TUBD1: variants seen among roughly 807,000 people sequenced by gnomAD.
TUBD1 encodes tubulin delta chain.
TUBD1 carries 38 observed loss-of-function variants against 51.2 expected under a neutral mutation model. That is an observed-to-expected ratio of 0.74 (90% CI 0.57 to 0.97). TUBD1 has a LOEUF of 0.97. TUBD1 is among the 50% of genes least tolerant of loss of function. TUBD1 has a pLI of 0.00. For missense variants in TUBD1, 489 were observed against 538.4 expected (o/e 0.91, Z 0.91); for synonymous variants, 169 against 178.2 (o/e 0.95, Z 0.41).
chr17:59,878,018 G>T, intron 5 of TUBD1, 85 bp downstream of exon 5: 1 of 1,043,684 alleles, frequency 9.6e-7, no homozygotes, highest in African/African-American at 1.6e-5. Context: ...TGTATCTTCA[G>T]GCAGAGGAGG....
At chr17:59,864,104 ATGG>A (rs1212390802) in intron 7 of TUBD1, among the ~76,000 whole-genome samples, 2 of 151,942 alleles carry the variant, frequency 1.3e-5, no homozygotes, top group Non-Finnish European at 2.9e-5. Context: ...TTAGCTGTAC[ATGG>A]TGGTGTGCAT....
At chr17:59,860,635 G>C (rs1321111566) in intron 8 of TUBD1, among the ~76,000 whole-genome samples, 2 of 151,198 alleles carry the variant, frequency 1.3e-5, no homozygotes, top group Non-Finnish European at 2.9e-5. Context: ...CACCTAGGCT[G>C]GAGTGCAGTG....
chr17:59,892,232 T>C (rs201434554), intron 1 of TUBD1, among the ~76,000 whole-genome samples: 85 of 152,210 alleles, frequency 5.6e-4, no homozygotes, highest in African/African-American at 1.9e-3. Flanking sequence ...AAGATGCAGC[T>C]TGGAGAAAGA....
At chr17:59,860,888 G>C (rs939210461) in intron 8 of TUBD1, among the ~76,000 whole-genome samples, 3 of 151,602 alleles carry the variant, frequency 2.0e-5, no homozygotes, top group East Asian at 3.9e-4. Context: ...CGCCCAGCCT[G>C]AACTTTCAAA....
rs142691296 is a variant in TUBD1, at chr17:59,880,936, T to C, written c.495A>G (p.Ser165=). ...TQNLEDQYSN[S]LKMNQIIWPY... is the part of the protein sequence containing the mutation. Reference sequence around the variant, plus strand: ...GCCAAATAATCTGATTCATTTTCAATGAGTTTGAGTACTGATCTTCTAAAT... The same window carrying C: ...GCCAAATAATCTGATTCATTTTCAACGAGTTTGAGTACTGATCTTCTAAAT... Residue 165 remains serine, a synonymous_variant, in exon 4 of 9, where the codon TCA becomes TCG. Coordinates refer to ENST00000325752, the MANE Select transcript of TUBD1 (RefSeq NM_016261.4). 46 of 1,613,674 alleles carry C rather than the reference T, an allele frequency of 2.9e-5. No individual in the cohort carries two copies. In the East Asian group the frequency reaches 4.7e-4, roughly 16 times the overall value.
intron 2 of TUBD1, among the ~76,000 whole-genome samples, chr17:59,890,533 C>T (rs528631826): frequency 2.2e-4 from 34 of 152,212 alleles, no homozygotes; most frequent in Admixed American, 1.2e-3. Context: ...TGAGCCACCA[C>T]GCCCAGCCAG....
chr17:59,869,430 G>A (rs1184937387), intron 6 of TUBD1, among the ~76,000 whole-genome samples: 8 of 151,040 alleles, frequency 5.3e-5, no homozygotes, highest in South Asian at 2.1e-4. Flanking sequence ...AGCCAAGATC[G>A]CGCCACTGCA....
At chr17:59,880,791 G>A in intron 4 of TUBD1, 103 bp downstream of exon 4, 1 of 1,111,228 alleles carries the variant, frequency 9.0e-7, no homozygotes, top group Non-Finnish European at 1.3e-6. Context: ...TGGGATTACA[G>A]GCATAAGCCA....
intron 4 of TUBD1, among the ~76,000 whole-genome samples, chr17:59,879,531 G>A (rs909695305): frequency 5.9e-5 from 9 of 152,116 alleles, no homozygotes; most frequent in Admixed American, 5.9e-4. Context: ...TGCTTCACAG[G>A]TTCAAGTGAT....
rs146731849 is a variant in TUBD1 at position 59,887,668 on chromosome 17, C to T, written c.173-1438G>A. ...TAACCACCAAAAATTTTCAAGCAGG[C>T]GAGGAATAGTTAAATGTCTGTCAAT... On this transcript the variant is annotated intron_variant, in intron 2 of 8. Coordinates refer to ENST00000325752, the MANE Select transcript of TUBD1 (RefSeq NM_016261.4). Among the ~76,000 whole-genome samples, 40 of 152,224 alleles carry T rather than the reference C, an allele frequency of 2.6e-4. No individual in the cohort carries two copies. In the South Asian group the frequency reaches 7.5e-3, roughly 28 times the overall value.
intron 3 of TUBD1, chr17:59,884,999 A>G: frequency 3.6e-6 from 1 of 276,928 alleles, no homozygotes; most frequent in Non-Finnish European, 7.1e-6. Flanking sequence ...AGCAGAAGGG[A>G]AATGTGAAGG....
At chr17:59,869,659 C>T (rs2039890155) in intron 6 of TUBD1, among the ~76,000 whole-genome samples, 1 of 152,022 alleles carries the variant, frequency 6.6e-6, no homozygotes, top group South Asian at 2.1e-4. Flanking sequence ...GTACTATGGC[C>T]AAAAAATTCA....
chr17:59,863,647 A>G lies in TUBD1; in HGVS notation c.1259+17T>C. 1.3e-6 allele frequency: 2 copies of G among 1,482,428 alleles called. No homozygotes were observed. Among genetic ancestry groups the G allele is most frequent in the Non-Finnish European group, 1.8e-6 (2 of 1,115,182 alleles). The allele number at this position is 1,482,428 out of a possible 1,614,324, so 91.8% of individuals were successfully genotyped here. Reference sequence around the variant, plus strand: ...AAAAAAAAAAAAGAAAGGTTTGTAGACTTATTTTATACTTACTTTGAAGCA... The same window carrying G: ...AAAAAAAAAAAAGAAAGGTTTGTAGGCTTATTTTATACTTACTTTGAAGCA... On this transcript the variant is annotated intron_variant, in intron 8 of 8. Transcript: ENST00000325752.
Position 59,860,105 on chromosome 17 carries a change from T to A in TUBD1, c.*217A>T, listed in dbSNP as rs1201177518. On this transcript the variant is annotated 3_prime_UTR_variant, in exon 9 of 9. Coordinates refer to ENST00000325752, the MANE Select transcript of TUBD1 (RefSeq NM_016261.4). ...ATCTCGGCTCACTGCAAGCTCCGCC[T>A]CCTGGGTTCACGTCATTCTCCTGCC... 2 of 276,714 alleles carry A rather than the reference T, an allele frequency of 7.2e-6. No individual in the cohort carries two copies. The highest frequency in any genetic ancestry group is 2.4e-5 in the African/African-American group (1 of 41,986). The allele number at this position is 276,714 out of a possible 1,614,324, so 17.1% of individuals were successfully genotyped here. A position where few individuals can be genotyped will look rare whatever the true frequency, so the allele number is the denominator to read the frequency against.
At chr17:59,866,942 G>A (rs2039733823) in intron 6 of TUBD1, among the ~76,000 whole-genome samples, 193 bp from the exon 7 acceptor site, 1 of 152,070 alleles carries the variant, frequency 6.6e-6, no homozygotes, top group Admixed American at 6.6e-5. Flanking sequence ...AGAGGTGTGT[G>A]CCATCACGCC....
chr17:59,875,674 C>T (rs906300255), intron 5 of TUBD1, among the ~76,000 whole-genome samples: 2 of 151,262 alleles, frequency 1.3e-5, no homozygotes, highest in East Asian at 3.9e-4. Context: ...GCGGGAGAAT[C>T]GCTTGAACCC....
chr17:59,874,468 G>C (rs942167466), intron 6 of TUBD1, 71 bp downstream of exon 6: 29 of 1,499,880 alleles, frequency 1.9e-5, no homozygotes, highest in Non-Finnish European at 2.6e-5. Flanking sequence ...GTCCAAGCCA[G>C]TTTATATTGA....
rs751252096 is a variant in TUBD1, at chr17:59,866,685, G to C, written c.999C>G (p.Asn333Lys). 1 of 1,613,986 alleles carries C rather than the reference G, an allele frequency of 6.2e-7. No homozygotes were observed. Among genetic ancestry groups the C allele is most frequent in the Non-Finnish European group, 8.5e-7 (1 of 1,179,996 alleles). Residue 333 changes from asparagine (N) to lysine (K), a missense_variant, in exon 7 of 9, where the codon AAC becomes AAG. Physicochemically the swap from Asn to Lys is moderately conservative, Grantham distance 94. Coordinates refer to ENST00000325752, the MANE Select transcript of TUBD1 (RefSeq NM_016261.4). ...GLPPLSKMSLNKDLHFNTSIA... is the reference protein window; with the variant it reads ...GLPPLSKMSLKKDLHFNTSIA... ...TGGAAGTGTTAAAATGCAGGTCCTTGTTGAGAGACATTTTACTAAGAGGAG... is the reference window on the plus strand; with the variant it reads ...TGGAAGTGTTAAAATGCAGGTCCTTCTTGAGAGACATTTTACTAAGAGGAG...
intron 4 of TUBD1, among the ~76,000 whole-genome samples, chr17:59,879,846 C>T (rs867494113): frequency 6.6e-6 from 1 of 151,856 alleles, no homozygotes; most frequent in Non-Finnish European, 1.5e-5. Context: ...CTCTGTCTCC[C>T]GGGTTCAAGA....
Sources: allele counts gnomAD v4.1 joint callset (sites outside exome capture counted in the v4.1 genomes callset), GRCh38; gene constraint gnomAD v4.1.1; transcripts MANE v1.5; gene names NCBI Gene and HGNC (gene_info 2026-07-23, HGNC 2026-07-21).